Variants in PCP4L1 observed in about 807,000 individuals in gnomAD.
PCP4L1 encodes Purkinje cell protein 4 like 1.
PCP4L1 carries 9 observed loss-of-function variants against 9.6 expected under a neutral mutation model. That is an observed-to-expected ratio of 0.94 (90% CI 0.57 to 1.64). The LOEUF (loss-of-function observed/expected upper bound fraction) is 1.64. PCP4L1 is among the 40% of genes most tolerant of loss of function. The pLI is 0.00. For synonymous variants in PCP4L1, 31 were observed against 28.2 expected, an observed-to-expected ratio of 1.10 and a Z score of -0.31; for missense variants, 81 against 80.8, an observed-to-expected ratio of 1.00 and a Z score of -0.01.
chr1:161,274,699 A>G (rs187613121), intron 1 of PCP4L1, among the ~76,000 whole-genome samples: 4 of 152,338 alleles, frequency 2.6e-5, no homozygotes, highest in Admixed American at 2.0e-4. Context: ...TGAGCACCAC[A>G]TAGAGGGTGG....
At chr1:161,265,029 A>G (rs1210984612) in intron 1 of PCP4L1, among the ~76,000 whole-genome samples, 1 of 152,158 alleles carries the variant, frequency 6.6e-6, no homozygotes, top group Non-Finnish European at 1.5e-5. Context: ...TGGAGTAGGT[A>G]AGCTGATAGG....
chr1:161,277,420 G>A (rs1449497435), intron 1 of PCP4L1, among the ~76,000 whole-genome samples: 2 of 152,040 alleles, frequency 1.3e-5, no homozygotes, highest in Non-Finnish European at 2.9e-5. Context: ...ATTTGACTTG[G>A]GCAAGTTCCT....
At chr1:161,259,571 C>A (rs952368766) in intron 1 of PCP4L1, among the ~76,000 whole-genome samples, 24 of 152,210 alleles carry the variant, frequency 1.6e-4, no homozygotes, top group Admixed American at 2.6e-4. Flanking sequence ...CCTCCCTCTG[C>A]AGTGCTTGTT....
At chr1:161,282,045 A>G (rs1458866512) in intron 1 of PCP4L1, among the ~76,000 whole-genome samples, 3 of 152,122 alleles carry the variant, frequency 2.0e-5, no homozygotes, top group East Asian at 3.9e-4. Flanking sequence ...CTGCTGGGAG[A>G]TGGAGGTTGT....
intron 1 of PCP4L1, among the ~76,000 whole-genome samples, chr1:161,273,742 A>G (rs1253898443): frequency 5.3e-5 from 8 of 152,380 alleles, no homozygotes; most frequent in Admixed American, 2.0e-4. Flanking sequence ...CAATTAGAGC[A>G]GAAATCTGAG....
In PCP4L1 at chr1:161,284,422, C is replaced by T; in HGVS notation, c.148C>T (p.Leu50Phe). 9 of 1,613,988 alleles carry T rather than the reference C, an allele frequency of 5.6e-6. No individual in the cohort carries two copies. The highest frequency in any genetic ancestry group is 6.8e-6 in the Non-Finnish European group (8 of 1,179,892). ...AGCACCAGAAACAGAGAAGGCTGCCCTTGCTATTCAGGGCAAGTTCCGGCG... is the reference window on the plus strand; with the variant it reads ...AGCACCAGAAACAGAGAAGGCTGCCTTTGCTATTCAGGGCAAGTTCCGGCG... Reference protein sequence around the residue: ...LTAPETEKAALAIQGKFRRFQ... With the variant: ...LTAPETEKAAFAIQGKFRRFQ... Residue 50 changes from leucine (L) to phenylalanine (F), a missense_variant, in exon 3 of 3, where the codon CTT (leucine) becomes TTT (phenylalanine). Physicochemically the swap from Leu to Phe is conservative, Grantham distance 22 (BLOSUM62 0). Coordinates refer to ENST00000504449, the MANE Select transcript of PCP4L1 (RefSeq NM_001102566.2).
At chr1:161,269,128 A>G (rs1234312967) in intron 1 of PCP4L1, among the ~76,000 whole-genome samples, 2 of 152,328 alleles carry the variant, frequency 1.3e-5, no homozygotes, top group Admixed American at 6.5e-5. Flanking sequence ...TTTAATTCAC[A>G]TAAATATCCA....
At chr1:161,272,513 G>A (rs547824238) in intron 1 of PCP4L1, among the ~76,000 whole-genome samples, 2 of 148,104 alleles carry the variant, frequency 1.4e-5, no homozygotes, top group African/African-American at 2.5e-5. Flanking sequence ...AGCCGAGATC[G>A]TGCCACTGCA....
intron 1 of PCP4L1, among the ~76,000 whole-genome samples, chr1:161,278,386 A>G (rs1342397997): frequency 6.7e-6 from 1 of 150,132 alleles, no homozygotes; most frequent in African/African-American, 2.5e-5. Flanking sequence ...TTGTACCTCT[A>G]TTTTCTTTCT....
intron 1 of PCP4L1, among the ~76,000 whole-genome samples, chr1:161,266,101 A>G (rs999014263): frequency 2.0e-5 from 3 of 151,988 alleles, no homozygotes; most frequent in African/African-American, 7.3e-5. Flanking sequence ...GTACCTAGAA[A>G]TCTAGACCTT....
In PCP4L1 at chr1:161,283,642, TTC is replaced by T. The variant is rs1284656067; in HGVS notation, c.10-24_10-23del. ...AAATTACTTCCATGAATATCTAATA[TTC>T]TGATATCCTAATATTTTTTCCAGCT... On this transcript the variant is annotated intron_variant, in intron 1 of 2. Transcript: ENST00000504449. The T allele has an allele frequency of 3.2e-6, 5 of 1,565,564 alleles. No individual in the cohort carries two copies. The African/African-American group carries it at 6.8e-5, about 21-fold the overall frequency.
intron 1 of PCP4L1, 130 bp downstream of exon 1, chr1:161,259,113 T>C: frequency 7.6e-7 from 1 of 1,319,838 alleles, no homozygotes; most frequent in Non-Finnish European, 1.0e-6. Flanking sequence ...GGCGCCCCAC[T>C]GCCCTCCTAG....
chr1:161,282,080 A>T (rs1198973348), intron 1 of PCP4L1, among the ~76,000 whole-genome samples: 1 of 152,022 alleles, frequency 6.6e-6, no homozygotes, highest in Non-Finnish European at 1.5e-5. Context: ...ATGCCACTGC[A>T]CTCCAGCCGG....
At position 161,258,911 on chromosome 1, in the gene PCP4L1, G is replaced by T; in HGVS notation, c.-64G>T. 1 of 1,534,846 alleles carries T rather than the reference G, an allele frequency of 6.5e-7. No individual in the cohort carries two copies. The highest frequency in any genetic ancestry group is 8.7e-7 in the Non-Finnish European group (1 of 1,146,156). ...GCAACTTTCAGCTGTCGCCCGCGGA[G>T]CCCCGAGGGCCACTCGCCTCACCTG... is the stretch of plus-strand genomic sequence containing the variant. On this transcript the variant is annotated 5_prime_UTR_variant, in exon 1 of 3. Transcript: ENST00000504449.
chr1:161,272,129 A>T (rs114709739), intron 1 of PCP4L1, among the ~76,000 whole-genome samples: 1 of 151,286 alleles, frequency 6.6e-6, no homozygotes, highest in Admixed American at 6.6e-5. Flanking sequence ...TCATGGGGGT[A>T]CATAGTGAGT....
At position 161,262,448 on chromosome 1, in the gene PCP4L1, A is replaced by AAAAAAAAAG. The variant is rs1558141193; in HGVS notation, c.9+3469_9+3477dup. On this transcript the variant is annotated intron_variant, in intron 1 of 2. Coordinates refer to ENST00000504449, the MANE Select transcript of PCP4L1 (RefSeq NM_001102566.2). ...GACTCCATCTCAAAAAAAAAAAAAA[A>AAAAAAAAAG]AAAAAAAAGAAATGCCTTCTACCTC... 3.4e-5 allele frequency among the ~76,000 whole-genome samples: 5 copies of AAAAAAAAAG among 149,204 alleles called. 1 individual carries two copies. The highest frequency in any genetic ancestry group is 1.5e-5 in the Non-Finnish European group (1 of 67,328).
At chr1:161,277,369 A>G (rs897536913) in intron 1 of PCP4L1, among the ~76,000 whole-genome samples, 1 of 152,192 alleles carries the variant, frequency 6.6e-6, no homozygotes, top group Non-Finnish European at 1.5e-5. Flanking sequence ...GAGTCGGTCT[A>G]CCTGGGTTCC....
At chr1:161,279,855 C>G (rs923688282) in intron 1 of PCP4L1, among the ~76,000 whole-genome samples, 2 of 151,958 alleles carry the variant, frequency 1.3e-5, no homozygotes, top group Non-Finnish European at 2.9e-5. Context: ...TTTTAAAGAG[C>G]TAGGATCTTG....
intron 1 of PCP4L1, among the ~76,000 whole-genome samples, chr1:161,261,017 T>C (rs1410845864): frequency 1.3e-5 from 2 of 152,098 alleles, no homozygotes. Context: ...CTTCCTCTTG[T>C]AAAAGCTATG....
Sources: gnomAD v4.1 joint callset for allele counts (sites outside exome capture counted in the v4.1 genomes callset) on GRCh38, gnomAD v4.1.1 for gene constraint, MANE v1.5 for transcripts, NCBI Gene and HGNC (gene_info 2026-07-23, HGNC 2026-07-21) for gene names.